The following SGCZ variants were observed in gnomAD, a reference collection of about 807,000 sequenced individuals.
The protein encoded by SGCZ is zeta-sarcoglycan.
A neutral mutation model predicts 41.3 loss-of-function variants in SGCZ; 40 were observed. That is an observed-to-expected ratio of 0.97 (90% CI 0.75 to 1.26). SGCZ has a LOEUF of 1.26. Among genes scored for constraint, SGCZ ranks in the 50% most tolerant of loss-of-function variants. The pLI is 0.00. For synonymous variants in SGCZ, 206 were observed against 137.5 expected, an observed-to-expected ratio of 1.50 and a Z score of -3.49; for missense variants, 552 against 369.8, an observed-to-expected ratio of 1.49 and a Z score of -4.04.
intron 1 of SGCZ, among the ~76,000 whole-genome samples, chr8:14,621,058 G>C (rs1412626592): frequency 6.6e-6 from 1 of 152,134 alleles, no homozygotes; most frequent in Non-Finnish European, 1.5e-5. Flanking sequence ...ATCAATGATA[G>C]ATTGGATTAA....
intron 1 of SGCZ, among the ~76,000 whole-genome samples, chr8:14,729,371 T>C (rs1810159246): frequency 6.6e-6 from 1 of 152,118 alleles, no homozygotes; most frequent in African/African-American, 2.4e-5. Context: ...ACCCCCAAAA[T>C]TCATACATTG....
At chr8:15,001,661 G>A (rs760384278) in intron 1 of SGCZ, among the ~76,000 whole-genome samples, 4 of 150,390 alleles carry the variant, frequency 2.7e-5, no homozygotes, top group Admixed American at 6.6e-5. Context: ...CCCAGGAGGC[G>A]GAGCTTGGAG....
intron 1 of SGCZ, among the ~76,000 whole-genome samples, chr8:14,933,205 A>T (rs1414439953): frequency 6.6e-6 from 1 of 151,916 alleles, no homozygotes; most frequent in Non-Finnish European, 1.5e-5. Context: ...CCATGTAACA[A>T]ATCTGCATAT....
At chr8:14,208,129 A>T (rs1338260972) in intron 4 of SGCZ, among the ~76,000 whole-genome samples, 1 of 152,240 alleles carries the variant, frequency 6.6e-6, no homozygotes, top group Non-Finnish European at 1.5e-5. Flanking sequence ...TTAGCTTAAC[A>T]TAATAAAAAC....
At chr8:14,358,905 G>A (rs1417763444) in intron 2 of SGCZ, among the ~76,000 whole-genome samples, 1 of 152,006 alleles carries the variant, frequency 6.6e-6, no homozygotes, top group African/African-American at 2.4e-5. Context: ...CACTGCACCT[G>A]GCCAGGTATA....
At chr8:14,514,153 T>C (rs554126038) in intron 2 of SGCZ, among the ~76,000 whole-genome samples, 1 of 152,104 alleles carries the variant, frequency 6.6e-6, no homozygotes, top group Non-Finnish European at 1.5e-5. Context: ...GATATTTTAC[T>C]TAGTGAAATG....
chr8:14,348,498 C>T (rs907871502), intron 2 of SGCZ, among the ~76,000 whole-genome samples: 5 of 152,022 alleles, frequency 3.3e-5, no homozygotes, highest in Admixed American at 1.3e-4. Flanking sequence ...TATATTCGTT[C>T]GTCTCTAATC....
At position 14,564,673 on chromosome 8, in the gene SGCZ, T is replaced by A. The variant is rs573440552; in HGVS notation, c.40-9747A>T. Among the ~76,000 whole-genome samples, 7 of 152,284 alleles carry A rather than the reference T, an allele frequency of 4.6e-5. No individual in the cohort carries two copies. The South Asian group carries it at 1.2e-3, about 27-fold the overall frequency. On this transcript the variant is annotated intron_variant, in intron 1 of 7. Transcript: ENST00000382080. Reference sequence around the variant, plus strand: ...AGAAGTATTTTTATTGGAATTAACTTTTAAAGACATGGTTGAAATAGAATT... The same window carrying A: ...AGAAGTATTTTTATTGGAATTAACTATTAAAGACATGGTTGAAATAGAATT...
chr8:14,375,143 C>CAGAT (rs1463423237), intron 2 of SGCZ, among the ~76,000 whole-genome samples: 8 of 142,228 alleles, frequency 5.6e-5, no homozygotes, highest in East Asian at 1.9e-4. Context: ...GACAGACAGA[C>CAGAT]AGATAGATAT....
intron 1 of SGCZ, among the ~76,000 whole-genome samples, chr8:15,132,128 T>C (rs1044630383): frequency 6.6e-6 from 1 of 152,214 alleles, no homozygotes; most frequent in Non-Finnish European, 1.5e-5. Context: ...TTACAAGTCA[T>C]TGTCTTGCTA....
At chr8:14,139,230 A>G (rs1563148649) in intron 5 of SGCZ, among the ~76,000 whole-genome samples, 1 of 152,222 alleles carries the variant, frequency 6.6e-6, no homozygotes, top group Admixed American at 6.5e-5. Context: ...AAAAGCCTAC[A>G]AGAGAAAGCA....
intron 1 of SGCZ, among the ~76,000 whole-genome samples, chr8:15,227,985 G>A (rs73524825): frequency 0.088 from 13,389 of 152,120 alleles, 708 homozygotes; most frequent in African/African-American, 0.15. Context: ...CTTTACTATG[G>A]CTTAAATCGT....
intron 5 of SGCZ, among the ~76,000 whole-genome samples, chr8:14,137,713 C>G (rs1349918306): frequency 6.6e-6 from 1 of 152,100 alleles, no homozygotes; most frequent in Non-Finnish European, 1.5e-5. Flanking sequence ...ATTGGTGTAC[C>G]TAAAAGTGAT....
chr8:14,346,906 A>T (rs1802908119), intron 2 of SGCZ, among the ~76,000 whole-genome samples: 1 of 152,044 alleles, frequency 6.6e-6, no homozygotes, highest in Admixed American at 6.6e-5. Flanking sequence ...TAAACATTTC[A>T]ATCAAAATTA....
chr8:15,089,551 C>T (rs115189629), intron 1 of SGCZ, among the ~76,000 whole-genome samples: 2,795 of 152,082 alleles, frequency 0.018, 68 homozygotes, highest in African/African-American at 0.062. Context: ...TAACTTTCAT[C>T]GAGTTTATAG....
chr8:14,088,225 A>G lies in SGCZ; in HGVS notation c.*2218T>C, dbSNP rs73520319. 0.024 allele frequency among the ~76,000 whole-genome samples: 3,640 copies of G among 151,924 alleles called. 147 individuals are homozygous for G. The highest frequency in any genetic ancestry group is 0.083 in the African/African-American group (3,427 of 41,508). On this transcript the variant is annotated 3_prime_UTR_variant, in exon 8 of 8. Coordinates refer to ENST00000382080, the MANE Select transcript of SGCZ (RefSeq NM_139167.4). ...GAACCCCAAGAGACTATTTTATTCA[A>G]TACTTTTGCTGTGAAGTTGAGTAAA...
At chr8:14,442,816 T>C (rs571792236) in intron 2 of SGCZ, among the ~76,000 whole-genome samples, 7 of 152,202 alleles carry the variant, frequency 4.6e-5, no homozygotes, top group Non-Finnish European at 1.0e-4. Context: ...TTGTTAATTA[T>C]TTTTTGTATC....
intron 1 of SGCZ, among the ~76,000 whole-genome samples, chr8:14,748,938 A>G (rs924234520): frequency 6.6e-6 from 1 of 151,990 alleles, no homozygotes; most frequent in Non-Finnish European, 1.5e-5. Flanking sequence ...TGATTTTCTG[A>G]GTTTTAGGAA....
chr8:14,943,147 C>T (rs888202769), intron 1 of SGCZ, among the ~76,000 whole-genome samples: 1 of 152,108 alleles, frequency 6.6e-6, no homozygotes, highest in Admixed American at 6.5e-5. Flanking sequence ...TGCCCTGTTC[C>T]CTTGACTCAC....
Sources: gnomAD v4.1 joint callset for allele counts (sites outside exome capture counted in the v4.1 genomes callset) on GRCh38, gnomAD v4.1.1 for gene constraint, MANE v1.5 for transcripts, NCBI Gene and HGNC (gene_info 2026-07-23, HGNC 2026-07-21) for gene names.